GLI3: variants seen among roughly 807,000 people sequenced by gnomAD.
The protein encoded by GLI3 is transcription activator GLI3.
A neutral mutation model predicts 100.8 loss-of-function variants in GLI3; 20 were observed. The observed-to-expected ratio is 0.20, with a 90% confidence interval of 0.14 to 0.29. GLI3 has a LOEUF of 0.29. Among genes scored for constraint, GLI3 ranks in the 10% least tolerant of loss-of-function variants. GLI3 has a pLI of 1.00. For missense variants in GLI3, 2,040 were observed against 2,128.5 expected (o/e 0.96, Z 0.82); for synonymous variants, 938 against 860.5 (o/e 1.09, Z -1.58).
intron 10 of GLI3, 137 bp from the exon 11 acceptor site, chr7:41,978,885 T>C: frequency 1.2e-6 from 1 of 803,510 alleles, no homozygotes. Context: ...TATTACAGAT[T>C]ATAAAAATTC....
intron 3 of GLI3, among the ~76,000 whole-genome samples, chr7:42,109,334 C>A (rs1785649023): frequency 6.6e-6 from 1 of 152,112 alleles, no homozygotes; most frequent in South Asian, 2.1e-4. Context: ...GACAGGCAAC[C>A]CCATGTTTTG....
At chr7:42,182,666 A>ATT (rs1787630176) in intron 2 of GLI3, among the ~76,000 whole-genome samples, 1 of 79,162 alleles carries the variant, frequency 1.3e-5, no homozygotes, top group Non-Finnish European at 2.6e-5. Flanking sequence ...ATATATATAT[A>ATT]TATATATATA....
rs545508709 is a variant in GLI3 at position 42,148,547 on chromosome 7, T to C, written c.125-79A>G. Reference sequence around the variant, plus strand: ...AAAAACCATGATCAATTAGGTCTCATTCTCGATATCCCTCTCCCGGAAAAG... The same window carrying C: ...AAAAACCATGATCAATTAGGTCTCACTCTCGATATCCCTCTCCCGGAAAAG... On this transcript the variant is annotated intron_variant, in intron 2 of 14. Transcript: ENST00000395925. 2.1e-4 allele frequency: 276 copies of C among 1,286,416 alleles called. 2 individuals are homozygous for C. The African/African-American group carries it at 3.8e-3, about 17-fold the overall frequency. The allele number at this position is 1,286,416 out of a possible 1,614,324, so 79.7% of individuals were successfully genotyped here.
At chr7:42,058,276 T>A (rs576143450) in intron 4 of GLI3, among the ~76,000 whole-genome samples, 1 of 152,256 alleles carries the variant, frequency 6.6e-6, no homozygotes, top group African/African-American at 2.4e-5. Flanking sequence ...AAGAAGGGCT[T>A]ATGAGGTGTG....
chr7:41,970,064 A>G (rs1475174401), intron 13 of GLI3, among the ~76,000 whole-genome samples: 1 of 152,186 alleles, frequency 6.6e-6, no homozygotes, highest in Non-Finnish European at 1.5e-5. Flanking sequence ...GTATCACAAA[A>G]CCACAAAAAC....
At chr7:42,134,772 T>C (rs1255505684) in intron 3 of GLI3, among the ~76,000 whole-genome samples, 1 of 152,066 alleles carries the variant, frequency 6.6e-6, no homozygotes, top group Admixed American at 6.6e-5. Flanking sequence ...TCACGTGAAA[T>C]TTTCCCTGCA....
chr7:42,229,432 G>A (rs1331373847), intron 1 of GLI3, among the ~76,000 whole-genome samples: 1 of 152,168 alleles, frequency 6.6e-6, no homozygotes. Context: ...AAATTATTCC[G>A]TGTAGTTTAG....
At chr7:42,129,351 C>T (rs1786214363) in intron 3 of GLI3, among the ~76,000 whole-genome samples, 1 of 152,296 alleles carries the variant, frequency 6.6e-6, no homozygotes, top group African/African-American at 2.4e-5. Flanking sequence ...ACTCTTAACA[C>T]AGTCAAAGAA....
intron 3 of GLI3, among the ~76,000 whole-genome samples, chr7:42,099,794 G>C (rs905839564): frequency 6.6e-6 from 1 of 152,238 alleles, no homozygotes; most frequent in Non-Finnish European, 1.5e-5. Flanking sequence ...GCCTCCCAAA[G>C]TGCTGGGATT....
chr7:42,103,568 G>T (rs766466431), intron 3 of GLI3, among the ~76,000 whole-genome samples: 2 of 152,086 alleles, frequency 1.3e-5, no homozygotes, highest in Non-Finnish European at 2.9e-5. Context: ...GATTCTCCAA[G>T]ATACTTAGGG....
At chr7:42,131,022 A>T (rs1253734531) in intron 3 of GLI3, among the ~76,000 whole-genome samples, 1 of 152,220 alleles carries the variant, frequency 6.6e-6, no homozygotes, top group Admixed American at 6.5e-5. Flanking sequence ...TTCTAACTAC[A>T]CCATCAGGAA....
chr7:41,994,971 A>G (rs1380778703), intron 10 of GLI3, among the ~76,000 whole-genome samples: 1 of 152,248 alleles, frequency 6.6e-6, no homozygotes, highest in Admixed American at 6.5e-5. Context: ...TTAAAAGTTT[A>G]TGAATTTCAG....
chr7:42,142,955 A>G (rs1583594547), intron 3 of GLI3, among the ~76,000 whole-genome samples: 1 of 150,274 alleles, frequency 6.7e-6, no homozygotes, highest in East Asian at 1.9e-4. Flanking sequence ...AAAAAAAAAA[A>G]AGGCTATGTA....
At chr7:41,976,957 T>C (rs753761489) in intron 12 of GLI3, among the ~76,000 whole-genome samples, 47 of 152,218 alleles carry the variant, frequency 3.1e-4, no homozygotes, top group Non-Finnish European at 6.2e-4. Flanking sequence ...CCCTGAAGCT[T>C]TACTCAATAT....
At chr7:42,057,707 T>C (rs959929831) in intron 4 of GLI3, among the ~76,000 whole-genome samples, 30 of 152,270 alleles carry the variant, frequency 2.0e-4, no homozygotes, top group Admixed American at 1.2e-3. Flanking sequence ...ATAAAAATAA[T>C]GAAATAATTT....
At position 42,237,021 on chromosome 7, in the gene GLI3, C is replaced by T. The variant is rs1420776907; in HGVS notation, c.-93G>A. The T allele has an allele frequency of 6.6e-6, 1 of 150,752 alleles. No homozygotes were observed. Among genetic ancestry groups the T allele is most frequent in the African/African-American group, 2.4e-5 (1 of 41,264 alleles). 9.3% of individuals were successfully genotyped at this position (150,752 alleles called of 1,614,324 possible). A position where few individuals can be genotyped will look rare whatever the true frequency, so the allele number is the denominator to read the frequency against. On this transcript the variant is annotated 5_prime_UTR_variant, in exon 1 of 15. Coordinates refer to ENST00000395925, the MANE Select transcript of GLI3 (RefSeq NM_000168.6). Reference sequence around the variant, plus strand: ...CCCGAACTTCCCATAGACCCGCGGACGGGGCGCAGGCTGGCGGCTCCCCGC... The same window carrying T: ...CCCGAACTTCCCATAGACCCGCGGATGGGGCGCAGGCTGGCGGCTCCCCGC...
chr7:42,141,956 C>T lies in GLI3; in HGVS notation c.367+6270G>A, dbSNP rs973375251. On this transcript the variant is annotated intron_variant, in intron 3 of 14. Transcript: ENST00000395925. ...CCAACTTCTCTGCCCTATGGTGGCA[C>T]GCATGAGTCCCCAGTCCTACCCTAG... is the stretch of plus-strand genomic sequence containing the variant. 3.9e-5 allele frequency among the ~76,000 whole-genome samples: 6 copies of T among 152,118 alleles called. No homozygotes were observed. In the East Asian group the frequency reaches 5.8e-4, roughly 15 times the overall value.
At chr7:42,031,816 C>G (rs190646563) in intron 7 of GLI3, among the ~76,000 whole-genome samples, 50 of 152,244 alleles carry the variant, frequency 3.3e-4, no homozygotes, top group Admixed American at 3.0e-3. Context: ...ATATTCAGCT[C>G]TGAGCTCAGT....
intron 13 of GLI3, among the ~76,000 whole-genome samples, chr7:41,969,661 CAAA>C (rs1787316219): frequency 6.6e-6 from 1 of 152,214 alleles, no homozygotes. Context: ...CCTGGACTGT[CAAA>C]TCAGAGTGTG....
Sources: allele counts gnomAD v4.1 joint callset (sites outside exome capture counted in the v4.1 genomes callset), GRCh38; gene constraint gnomAD v4.1.1; transcripts MANE v1.5; gene names NCBI Gene and HGNC (gene_info 2026-07-23, HGNC 2026-07-21).